The following PDE1A variants were observed in gnomAD, a reference collection of about 807,000 sequenced individuals.
PDE1A encodes dual specificity calcium/calmodulin-dependent 3',5'-cyclic nucleotide phosphodiesterase 1A.
In PDE1A, 35 loss-of-function variants were observed where a neutral mutation model predicts 61.7. The ratio of observed to expected loss-of-function variants is 0.57; its 90% CI spans 0.43 to 0.75. The LOEUF is 0.75. Ranked by LOEUF, PDE1A falls within the 30% of genes least tolerant of loss-of-function variation. The probability of loss-of-function intolerance (pLI) is 0.00; values close to 1 mark genes in which losing one functional copy is unlikely to be tolerated. For synonymous variants in PDE1A, 232 were observed against 213.2 expected (o/e 1.09, Z -0.77); for missense variants, 597 against 630.6 (o/e 0.95, Z 0.57).
intron 13 of PDE1A, among the ~76,000 whole-genome samples, chr2:182,148,005 G>A (rs1044605067): frequency 1.3e-4 from 20 of 152,160 alleles, no homozygotes; most frequent in African/African-American, 4.6e-4. Flanking sequence ...TGGACATACA[G>A]AATTTATAAG....
the PDE1A span, among the ~76,000 whole-genome samples, chr2:182,610,130 A>G: frequency 6.6e-6 from 1 of 152,208 alleles, no homozygotes; most frequent in Non-Finnish European, 1.5e-5. Context: ...AGAGGAGCCA[A>G]CGAGTCTGGA....
the PDE1A span, among the ~76,000 whole-genome samples, chr2:182,555,965 C>CAAAAAAAAAAAAAAAAA: frequency 1.0e-4 from 5 of 48,438 alleles, 1 homozygote; most frequent in African/African-American, 3.1e-4. Flanking sequence ...AACTCCATCT[C>CAAAAAAAAAAAAAAAAA]AAAAAAAAAA....
the PDE1A span, among the ~76,000 whole-genome samples, chr2:182,533,779 T>C: frequency 6.6e-6 from 1 of 152,120 alleles, no homozygotes; most frequent in African/African-American, 2.4e-5. Context: ...TAAAGTTTAA[T>C]GTTGATAGAT....
At chr2:182,616,918 G>C in the PDE1A span, among the ~76,000 whole-genome samples, 2 of 152,190 alleles carry the variant, frequency 1.3e-5, no homozygotes, top group Non-Finnish European at 2.9e-5. Context: ...TTCAACAGCT[G>C]ACCTCAGGTC....
chr2:182,513,625 C>T (rs1303317832), intron 2 of PDE1A, among the ~76,000 whole-genome samples: 4 of 152,154 alleles, frequency 2.6e-5, no homozygotes, highest in African/African-American at 4.8e-5. Context: ...ACAGGCTAAA[C>T]GCCCCACTTA....
At chr2:182,680,187 G>A in the PDE1A span, among the ~76,000 whole-genome samples, 2 of 151,674 alleles carry the variant, frequency 1.3e-5, no homozygotes, top group Non-Finnish European at 2.9e-5. Context: ...GGCATATAGG[G>A]GTCAACATTC....
chr2:182,180,640 A>G (rs980245466), intron 13 of PDE1A, among the ~76,000 whole-genome samples: 1 of 152,034 alleles, frequency 6.6e-6, no homozygotes, highest in Non-Finnish European at 1.5e-5. Context: ...CTGTCTTGCT[A>G]GGTTGGGGAA....
chr2:182,238,266 C>CAAAAAAAAAAAAAAAAAAAAAAAAAAAAA (rs3063250), intron 3 of PDE1A, among the ~76,000 whole-genome samples: 10 of 98,088 alleles, frequency 1.0e-4, no homozygotes, highest in East Asian at 3.2e-4. Context: ...CAGACTACGT[C>CAAAAAAAAAAAAAAAAAAAAAAAAAAAAA]AAAAAAAAAA....
At chr2:182,273,810 A>G (rs1693210937) in intron 1 of PDE1A, among the ~76,000 whole-genome samples, 2 of 152,260 alleles carry the variant, frequency 1.3e-5, no homozygotes, top group South Asian at 2.1e-4. Context: ...GGTGAAAACC[A>G]GTAAAATCTA....
chr2:182,485,283 G>A (rs1035656878), intron 2 of PDE1A, among the ~76,000 whole-genome samples: 2 of 151,814 alleles, frequency 1.3e-5, no homozygotes, highest in African/African-American at 2.4e-5. Flanking sequence ...CAAATATCAC[G>A]TGTTCTCACT....
chr2:182,435,811 T>C (rs939763485), intron 2 of PDE1A, among the ~76,000 whole-genome samples: 1 of 152,084 alleles, frequency 6.6e-6, no homozygotes, highest in Non-Finnish European at 1.5e-5. Flanking sequence ...TTGGCTTCAA[T>C]ATAATGCTAA....
At chr2:182,554,431 G>T in the PDE1A span, among the ~76,000 whole-genome samples, 1 of 152,124 alleles carries the variant, frequency 6.6e-6, no homozygotes, top group Admixed American at 6.5e-5. Flanking sequence ...TCCATCTGAT[G>T]TTGGAAGCCT....
chr2:182,577,959 AGG>A, the PDE1A span, among the ~76,000 whole-genome samples: 7 of 145,696 alleles, frequency 4.8e-5, no homozygotes, highest in South Asian at 1.6e-3. Flanking sequence ...GAAGGAAGGA[AGG>A]AAGGAAGGAA....
chr2:182,464,040 G>A (rs1686486026), intron 2 of PDE1A, among the ~76,000 whole-genome samples: 1 of 152,092 alleles, frequency 6.6e-6, no homozygotes, highest in South Asian at 2.1e-4. Context: ...GGTATTCAGA[G>A]CCACAGTGAT....
At chr2:182,653,631 G>A in the PDE1A span, among the ~76,000 whole-genome samples, 1 of 152,174 alleles carries the variant, frequency 6.6e-6, no homozygotes, top group Non-Finnish European at 1.5e-5. Flanking sequence ...TGAAGAATCA[G>A]TTTCATCTTC....
At chr2:182,586,650 C>A in the PDE1A span, among the ~76,000 whole-genome samples, 2 of 152,158 alleles carry the variant, frequency 1.3e-5, no homozygotes, top group Non-Finnish European at 2.9e-5. Context: ...GTGGCCTCTA[C>A]TGACTAGATA....
In PDE1A at chr2:182,337,095, T is replaced by C. The variant is rs991161337; in HGVS notation, c.54-72681A>G. ...TTGTAAGTGGTAAATACTTGGTACATAGTAAATGGTAAATACATGTTAGGT... is the reference window on the plus strand; with the variant it reads ...TTGTAAGTGGTAAATACTTGGTACACAGTAAATGGTAAATACATGTTAGGT... On this transcript the variant is annotated intron_variant, in intron 1 of 13. Transcript: ENST00000351439. 4.6e-5 allele frequency among the ~76,000 whole-genome samples: 7 copies of C among 152,086 alleles called. No individual in the cohort carries two copies. The South Asian group carries it at 6.2e-4, about 13-fold the overall frequency.
At chr2:182,364,490 A>AAAAAAAAAAAAAAAAAAAC (rs1559379251) in intron 1 of PDE1A, among the ~76,000 whole-genome samples, 1 of 144,000 alleles carries the variant, frequency 6.9e-6, no homozygotes. Flanking sequence ...AAAAAAAAAA[A>AAAAAAAAAAAAAAAAAAAC]AAAAAAAAAC....
At chr2:182,212,039 G>A (rs1237079447) in intron 7 of PDE1A, among the ~76,000 whole-genome samples, 2 of 151,862 alleles carry the variant, frequency 1.3e-5, no homozygotes, top group Non-Finnish European at 2.9e-5. Flanking sequence ...CTTCCAGTAT[G>A]ATACAAAAAT....
Sources: gnomAD v4.1 joint callset for allele counts (sites outside exome capture counted in the v4.1 genomes callset) on GRCh38, gnomAD v4.1.1 for gene constraint, MANE v1.5 for transcripts, NCBI Gene and HGNC (gene_info 2026-07-23, HGNC 2026-07-21) for gene names.